CRIM1: variants seen among roughly 807,000 people sequenced by gnomAD.
The protein encoded by CRIM1 is cysteine rich transmembrane BMP regulator 1, also known as cysteine-rich motor neuron 1 protein.
A neutral mutation model predicts 116.4 loss-of-function variants in CRIM1; 32 were observed. The observed-to-expected ratio is 0.27, with a 90% CI of 0.21 to 0.37. The LOEUF (loss-of-function observed/expected upper bound fraction) is 0.37. CRIM1 is among the 10% of genes least tolerant of loss of function. CRIM1 has a pLI of 1.00. For synonymous variants in CRIM1, 590 were observed against 509.2 expected, an observed-to-expected ratio of 1.16 and a Z score of -2.13; for missense variants, 1,331 against 1,354.8, an observed-to-expected ratio of 0.98 and a Z score of 0.28.
At chr2:36,384,033 C>T (rs1021524154) in intron 1 of CRIM1, among the ~76,000 whole-genome samples, 1 of 152,160 alleles carries the variant, frequency 6.6e-6, no homozygotes, top group African/African-American at 2.4e-5. Flanking sequence ...AAACATACAG[C>T]ATACAAGAGG....
At chr2:36,424,447 G>C (rs1674299987) in intron 2 of CRIM1, among the ~76,000 whole-genome samples, 1 of 152,146 alleles carries the variant, frequency 6.6e-6, no homozygotes, top group South Asian at 2.1e-4. Flanking sequence ...CTGGCCAGAT[G>C]GGTGAATGTT....
At chr2:36,380,897 A>G (rs192383051) in intron 1 of CRIM1, among the ~76,000 whole-genome samples, 41 of 152,282 alleles carry the variant, frequency 2.7e-4, no homozygotes, top group Non-Finnish European at 5.0e-4. Flanking sequence ...ATTTTAAAAG[A>G]TATCTCGACC....
chr2:36,483,928 CT>C (rs1215649769), intron 7 of CRIM1, among the ~76,000 whole-genome samples: 1 of 152,204 alleles, frequency 6.6e-6, no homozygotes, highest in African/African-American at 2.4e-5. Flanking sequence ...TGTCAGCATG[CT>C]TATCACTGAA....
At position 36,441,271 on chromosome 2, in the gene CRIM1, T is replaced by C; in HGVS notation, c.519T>C (p.Asp173=). 1 of 1,614,192 alleles carries C rather than the reference T, an allele frequency of 6.2e-7. No individual in the cohort carries two copies. The highest frequency in any genetic ancestry group is 8.5e-7 in the Non-Finnish European group (1 of 1,180,020). Residue 173 remains aspartate, a synonymous_variant, in exon 3 of 17, where the codon GAT becomes GAC. Transcript: ENST00000280527. Reference sequence around the variant, plus strand: ...TCTCCCTTTTAGAAGAGAAGCCAGATTGCTCCAAGGCCCGCTGTGAAGTCC... The same window carrying C: ...TCTCCCTTTTAGAAGAGAAGCCAGACTGCTCCAAGGCCCGCTGTGAAGTCC... ...ALKRIEEEKP[D]CSKARCEVQF... is the part of the protein sequence containing the mutation.
At chr2:36,473,326 G>T (rs1678690672) in intron 5 of CRIM1, among the ~76,000 whole-genome samples, 2 of 152,276 alleles carry the variant, frequency 1.3e-5, no homozygotes, top group Admixed American at 6.5e-5. Context: ...CACCTCAGGA[G>T]AACTTTCTTC....
rs750617582 is a variant in CRIM1, at chr2:36,356,570, G to GC, written c.284dup (p.Leu96AlafsTer17). ...GACCGGGGGCTGCGTTGTGTCATCCGCCCCCCGCTCAATGGCGACTCCCTC... is the reference window on the plus strand; with the variant it reads ...GACCGGGGGCTGCGTTGTGTCATCCGCCCCCCCGCTCAATGGCGACTCCCTC... On this transcript the variant is annotated frameshift_variant, in exon 1 of 17. Coordinates refer to ENST00000280527, the MANE Select transcript of CRIM1 (RefSeq NM_016441.3). LOFTEE classifies it high-confidence loss of function. This position sits in a 1 kb window ranked among gnomAD's most constrained non-coding sequence, Gnocchi z 4.3. 1.9e-6 allele frequency: 3 copies of GC among 1,612,100 alleles called. No individual in the cohort carries two copies.
At chr2:36,393,981 C>G (rs938546438) in intron 1 of CRIM1, among the ~76,000 whole-genome samples, 9 of 152,088 alleles carry the variant, frequency 5.9e-5, no homozygotes, top group African/African-American at 1.4e-4. Context: ...GAAGATGGAT[C>G]TGGGGACATT....
chr2:36,477,190 G>A (rs561304129), intron 6 of CRIM1, 119 bp downstream of exon 6: 4 of 835,332 alleles, frequency 4.8e-6, no homozygotes, highest in Admixed American at 3.4e-5. Context: ...TCCTTTTTTA[G>A]CCTTTTTTAA....
chr2:36,429,443 T>C (rs569522415), intron 2 of CRIM1, among the ~76,000 whole-genome samples: 37 of 152,310 alleles, frequency 2.4e-4, no homozygotes, highest in African/African-American at 8.4e-4. Context: ...CAGGCCTAGA[T>C]GCTGGGCTCT....
intron 2 of CRIM1, among the ~76,000 whole-genome samples, chr2:36,414,411 A>G (rs145603247): frequency 6.6e-6 from 1 of 152,268 alleles, no homozygotes; most frequent in Admixed American, 6.5e-5. Context: ...TCTGTTATTC[A>G]TTCATTCATT....
chr2:36,377,520 A>G (rs542135564), intron 1 of CRIM1, among the ~76,000 whole-genome samples: 1 of 152,258 alleles, frequency 6.6e-6, no homozygotes, highest in Admixed American at 6.5e-5. Context: ...AAGCTCCCCA[A>G]CCTCTGTTCA....
chr2:36,533,184 T>C (rs561706444), intron 13 of CRIM1, among the ~76,000 whole-genome samples: 2 of 152,312 alleles, frequency 1.3e-5, no homozygotes, highest in East Asian at 1.9e-4. Context: ...TTGCATGGAA[T>C]AGCTACCACA....
chr2:36,384,195 C>T (rs1670996937), intron 1 of CRIM1, among the ~76,000 whole-genome samples: 1 of 152,352 alleles, frequency 6.6e-6, no homozygotes, highest in African/African-American at 2.4e-5. Flanking sequence ...ACCATGCACA[C>T]ACCTGGAGTA....
intron 14 of CRIM1, among the ~76,000 whole-genome samples, chr2:36,538,387 G>T (rs1666704058): frequency 6.6e-6 from 1 of 152,044 alleles, no homozygotes. Flanking sequence ...CCAAGTGAAG[G>T]CTCACTCTAA....
At chr2:36,442,880 T>C in intron 4 of CRIM1, 145 bp downstream of exon 4, 2 of 945,460 alleles carry the variant, frequency 2.1e-6, no homozygotes, top group Non-Finnish European at 3.2e-6. Context: ...TTTGCATTAC[T>C]TGGTATTTAT....
chr2:36,427,999 T>G (rs1165572081), intron 2 of CRIM1, among the ~76,000 whole-genome samples: 2 of 152,234 alleles, frequency 1.3e-5, no homozygotes, highest in Non-Finnish European at 2.9e-5. Flanking sequence ...AAGGGTTATT[T>G]TTGTGTTGGT....
At chr2:36,524,110 G>A (rs1003413575) in intron 13 of CRIM1, among the ~76,000 whole-genome samples, 2 of 152,170 alleles carry the variant, frequency 1.3e-5, no homozygotes, top group African/African-American at 4.8e-5. Flanking sequence ...AGAGTGAAAA[G>A]GGGGCTGTTA....
chr2:36,398,076 T>G (rs1280528347), intron 2 of CRIM1, among the ~76,000 whole-genome samples: 1 of 152,220 alleles, frequency 6.6e-6, no homozygotes, highest in African/African-American at 2.4e-5. Flanking sequence ...TTTTGCCAAC[T>G]TCAGTATGTA....
At chr2:36,537,894 C>G (rs1324578649) in intron 14 of CRIM1, among the ~76,000 whole-genome samples, 1 of 152,186 alleles carries the variant, frequency 6.6e-6, no homozygotes, top group African/African-American at 2.4e-5. Flanking sequence ...CAAGATGGGA[C>G]CCAGAAGGGA....
Sources: gnomAD v4.1 joint callset for allele counts (sites outside exome capture counted in the v4.1 genomes callset) on GRCh38, gnomAD v4.1.1 for gene constraint, Gnocchi (gnomAD v3.1) non-coding constraint, MANE v1.5 for transcripts, NCBI Gene and HGNC (gene_info 2026-07-23, HGNC 2026-07-21) for gene names.